PTPRN2: variants seen among roughly 807,000 people sequenced by gnomAD.
The protein encoded by PTPRN2 is protein tyrosine phosphatase receptor type N2, also known as receptor-type tyrosine-protein phosphatase N2.
Under a neutral mutation model 118.8 loss-of-function variants are expected in PTPRN2, and 74 were observed. The ratio of observed to expected loss-of-function variants is 0.62; its 90% CI spans 0.52 to 0.76. PTPRN2 has a LOEUF of 0.76. PTPRN2 is among the 30% of genes least tolerant of loss of function. The probability of loss-of-function intolerance (pLI) is 0.00; values close to 1 mark genes in which losing one functional copy is unlikely to be tolerated. For missense variants in PTPRN2, 1,481 were observed against 1,394.4 expected, an observed-to-expected ratio of 1.06 and a Z score of -0.99; for synonymous variants, 641 against 608.0, an observed-to-expected ratio of 1.05 and a Z score of -0.80.
At chr7:158,001,622 G>A (rs73169740) in intron 11 of PTPRN2, among the ~76,000 whole-genome samples, 19 of 152,222 alleles carry the variant, frequency 1.2e-4, no homozygotes, top group Admixed American at 9.8e-4. Context: ...CGCAGGCAGT[G>A]TAGTAGATGG....
At chr7:157,967,449 G>A (rs68057850) in intron 11 of PTPRN2, among the ~76,000 whole-genome samples, 39,257 of 152,120 alleles carry the variant, frequency 0.26, 6,099 homozygotes, top group African/African-American at 0.43. Flanking sequence ...GGTGCAGGTA[G>A]AGACTCTGTG....
intron 12 of PTPRN2, among the ~76,000 whole-genome samples, chr7:157,820,028 A>T (rs1167846872): frequency 6.7e-6 from 1 of 150,288 alleles, no homozygotes; most frequent in Non-Finnish European, 1.5e-5. Flanking sequence ...ATGCACACAC[A>T]CACCCACAGT....
chr7:158,255,323 T>A (rs1796954695), intron 3 of PTPRN2, among the ~76,000 whole-genome samples: 1 of 152,136 alleles, frequency 6.6e-6, no homozygotes, highest in African/African-American at 2.4e-5. Flanking sequence ...AAGGCCTGGT[T>A]CAGCCTCCAG....
intron 2 of PTPRN2, among the ~76,000 whole-genome samples, chr7:158,365,907 A>ACACGCG: frequency 7.0e-6 from 1 of 143,034 alleles, no homozygotes; most frequent in South Asian, 2.4e-4. Flanking sequence ...GTGCACACAC[A>ACACGCG]CACACACACT....
intron 11 of PTPRN2, among the ~76,000 whole-genome samples, chr7:157,957,645 C>T (rs1406921130): frequency 1.3e-5 from 2 of 151,958 alleles, no homozygotes; most frequent in African/African-American, 4.8e-5. Flanking sequence ...AACAGGATAA[C>T]ACAAGAAATG....
intron 14 of PTPRN2, among the ~76,000 whole-genome samples, chr7:157,643,599 C>G (rs962786883): frequency 6.6e-6 from 1 of 152,216 alleles, no homozygotes; most frequent in Non-Finnish European, 1.5e-5. Context: ...CCAGGGAAAT[C>G]CAGAACCAGT....
intron 3 of PTPRN2, among the ~76,000 whole-genome samples, chr7:158,226,984 G>T (rs1828836732): frequency 6.6e-6 from 1 of 152,012 alleles, no homozygotes; most frequent in African/African-American, 2.4e-5. Flanking sequence ...AGGTTTGGGG[G>T]TGAAGCTGAA....
At chr7:158,083,563 T>C (rs1813009784) in intron 10 of PTPRN2, among the ~76,000 whole-genome samples, 1 of 152,230 alleles carries the variant, frequency 6.6e-6, no homozygotes, top group Non-Finnish European at 1.5e-5. Context: ...CCCAGACCCC[T>C]ATGCTATGAA....
intron 3 of PTPRN2, among the ~76,000 whole-genome samples, chr7:158,277,716 C>T (rs566195416): frequency 6.6e-6 from 1 of 152,304 alleles, no homozygotes; most frequent in East Asian, 1.9e-4. Flanking sequence ...AAGAGAAACT[C>T]TGTACGGTCC....
intron 10 of PTPRN2, among the ~76,000 whole-genome samples, chr7:158,101,679 G>T (rs565636596): frequency 6.6e-6 from 1 of 152,324 alleles, no homozygotes; most frequent in South Asian, 2.1e-4. Context: ...AGCTCACCAT[G>T]AAAGCCATGG....
chr7:158,467,880 TCTGTTG>T (rs1018647316), intron 2 of PTPRN2, among the ~76,000 whole-genome samples: 1 of 152,174 alleles, frequency 6.6e-6, no homozygotes, highest in African/African-American at 2.4e-5. Flanking sequence ...TGTTGATGTT[TCTGTTG>T]CTGTTGCGTT....
intron 16 of PTPRN2, among the ~76,000 whole-genome samples, chr7:157,601,538 A>G (rs1801667282): frequency 1.3e-5 from 2 of 152,208 alleles, no homozygotes; most frequent in African/African-American, 4.8e-5. Flanking sequence ...CTTCTCACCC[A>G]AGCTCCTGCC....
chr7:158,143,010 C>A (rs1819529896), intron 6 of PTPRN2, among the ~76,000 whole-genome samples: 1 of 152,216 alleles, frequency 6.6e-6, no homozygotes, highest in African/African-American at 2.4e-5. Context: ...CTCAGCCTCG[C>A]AACCGAGCCA....
At chr7:158,524,692 A>G (rs891406941) in intron 1 of PTPRN2, among the ~76,000 whole-genome samples, 2 of 152,140 alleles carry the variant, frequency 1.3e-5, no homozygotes, top group African/African-American at 4.8e-5. Flanking sequence ...AGGTTTTTGC[A>G]GGAAAAATTG....
intron 6 of PTPRN2, among the ~76,000 whole-genome samples, chr7:158,159,732 GTCATCAGAGTCTTGAGC>G (rs1032741453): frequency 2.6e-5 from 4 of 152,128 alleles, no homozygotes; most frequent in African/African-American, 9.7e-5. Context: ...CGCTTTCGCT[GTCATCAGAGTCTTGAGC>G]TGAAAGTATG....
At chr7:157,655,572 C>G (rs1806016554) in intron 14 of PTPRN2, among the ~76,000 whole-genome samples, 2 of 152,204 alleles carry the variant, frequency 1.3e-5, no homozygotes, top group South Asian at 4.1e-4. Flanking sequence ...TTCCCTGACC[C>G]GTAAGTGCAG....
At chr7:157,541,823 C>T (rs61536047) in intron 22 of PTPRN2, among the ~76,000 whole-genome samples, 2,590 of 152,278 alleles carry the variant, frequency 0.017, 73 homozygotes, top group African/African-American at 0.059. Flanking sequence ...TAGCTTGAAC[C>T]GAGACATCAG....
intron 3 of PTPRN2, among the ~76,000 whole-genome samples, chr7:158,277,858 C>T (rs1362459262): frequency 1.3e-5 from 2 of 152,204 alleles, no homozygotes; most frequent in African/African-American, 4.8e-5. Flanking sequence ...CCCATGCCCT[C>T]CCTGGCTTCT....
intron 10 of PTPRN2, among the ~76,000 whole-genome samples, chr7:158,085,757 C>T (rs1813336390): frequency 6.9e-6 from 1 of 144,998 alleles, no homozygotes; most frequent in South Asian, 2.2e-4. Context: ...CACACATGCC[C>T]ATCCACACCC....
Sources: allele counts gnomAD v4.1 joint callset (sites outside exome capture counted in the v4.1 genomes callset), GRCh38; gene constraint gnomAD v4.1.1; transcripts MANE v1.5; gene names NCBI Gene and HGNC (gene_info 2026-07-23, HGNC 2026-07-21).